TPRG1: variants seen among roughly 807,000 people sequenced by gnomAD.
The protein encoded by TPRG1 is tumor protein p63 regulated 1.
Under a neutral mutation model 29.3 loss-of-function variants are expected in TPRG1, and 29 were observed. The ratio of observed to expected loss-of-function variants is 0.99; its 90% CI spans 0.74 to 1.35. The LOEUF is 1.35. TPRG1 is among the 40% of genes most tolerant of loss of function. The pLI is 0.00. For missense variants in TPRG1, 327 were observed against 335.0 expected, an observed-to-expected ratio of 0.98 and a Z score of 0.19; for synonymous variants, 130 against 116.8, an observed-to-expected ratio of 1.11 and a Z score of -0.73.
chr3:189,043,270 A>T (rs755716084), intron 4 of TPRG1, among the ~76,000 whole-genome samples: 16 of 152,216 alleles, frequency 1.1e-4, no homozygotes, highest in Non-Finnish European at 1.8e-4. Flanking sequence ...GGGAAACAAC[A>T]TGATGGGGAT....
chr3:189,266,515 A>G (rs1714113540), intron 4 of TPRG1, among the ~76,000 whole-genome samples: 1 of 152,172 alleles, frequency 6.6e-6, no homozygotes, highest in African/African-American at 2.4e-5. Flanking sequence ...TAGGGACATG[A>G]TGAGTTGGTG....
chr3:189,265,303 C>T (rs1033549703), intron 4 of TPRG1, among the ~76,000 whole-genome samples: 1 of 152,194 alleles, frequency 6.6e-6, no homozygotes, highest in Non-Finnish European at 1.5e-5. Context: ...GGCCTGTCTT[C>T]TCCTTCCACT....
intron 4 of TPRG1, among the ~76,000 whole-genome samples, chr3:189,075,335 A>C (rs758852884): frequency 4.0e-5 from 6 of 151,188 alleles, no homozygotes; most frequent in Non-Finnish European, 7.4e-5. Flanking sequence ...GGGTTTCACC[A>C]TGTTGGCCAG....
chr3:189,271,719 T>C (rs898388095), intron 4 of TPRG1, among the ~76,000 whole-genome samples: 2 of 152,252 alleles, frequency 1.3e-5, no homozygotes, highest in African/African-American at 2.4e-5. Flanking sequence ...AAGTGACTTA[T>C]GTAAAGTTAA....
chr3:189,211,290 A>G (rs1410550548), intron 2 of TPRG1, among the ~76,000 whole-genome samples: 1 of 152,174 alleles, frequency 6.6e-6, no homozygotes, highest in African/African-American at 2.4e-5. Context: ...TTAAACTAGA[A>G]AAGAAAGTTA....
At chr3:189,145,683 TAAC>T (rs1056425132) in intron 3 of TPRG1, among the ~76,000 whole-genome samples, 11 of 152,182 alleles carry the variant, frequency 7.2e-5, no homozygotes, top group Non-Finnish European at 1.6e-4. Flanking sequence ...ACATTAATAA[TAAC>T]AGCAAATTAA....
At chr3:189,252,271 A>G (rs1190693083) in intron 4 of TPRG1, among the ~76,000 whole-genome samples, 1 of 152,156 alleles carries the variant, frequency 6.6e-6, no homozygotes, top group Non-Finnish European at 1.5e-5. Flanking sequence ...AGCAAAATGG[A>G]GTCTCCTATG....
intron 4 of TPRG1, among the ~76,000 whole-genome samples, chr3:189,261,485 C>T (rs1713036459): frequency 6.6e-6 from 1 of 151,866 alleles, no homozygotes; most frequent in Admixed American, 6.6e-5. Flanking sequence ...AAACAGAAGG[C>T]AGCTCTTTTA....
chr3:189,304,146 A>G (rs1326034483), intron 4 of TPRG1, among the ~76,000 whole-genome samples: 1 of 150,572 alleles, frequency 6.6e-6, no homozygotes, highest in East Asian at 1.9e-4. Context: ...AACCAGCATA[A>G]CACAAATTAT....
chr3:189,020,990 CTTCT>C (rs1713271051), intron 3 of TPRG1, among the ~76,000 whole-genome samples: 1 of 147,684 alleles, frequency 6.8e-6, no homozygotes, highest in African/African-American at 2.5e-5. Context: ...ATATAATGGC[CTTCT>C]TTGTCTCTTT....
chr3:189,270,455 C>T (rs951202003), intron 4 of TPRG1, among the ~76,000 whole-genome samples: 4 of 152,212 alleles, frequency 2.6e-5, no homozygotes, highest in Admixed American at 2.0e-4. Context: ...GACTGTGGAA[C>T]CTCAGAATGG....
chr3:189,015,227 G>A (rs1425102601), intron 3 of TPRG1, among the ~76,000 whole-genome samples: 2 of 152,142 alleles, frequency 1.3e-5, no homozygotes, highest in African/African-American at 4.8e-5. Flanking sequence ...GGGATCTGTG[G>A]AACTTTGAAC....
intron 4 of TPRG1, among the ~76,000 whole-genome samples, chr3:189,066,752 A>T (rs999394536): frequency 6.6e-6 from 1 of 152,110 alleles, no homozygotes; most frequent in African/African-American, 2.4e-5. Flanking sequence ...TTCATATTAG[A>T]TCTGGAACAA....
At chr3:189,133,471 G>A (rs539608416) in intron 3 of TPRG1, among the ~76,000 whole-genome samples, 1 of 152,278 alleles carries the variant, frequency 6.6e-6, no homozygotes, top group South Asian at 2.1e-4. Context: ...AGGGAGGGAA[G>A]TGACTGGATT....
chr3:189,064,806 C>G (rs1423116834), intron 4 of TPRG1, among the ~76,000 whole-genome samples: 2 of 152,120 alleles, frequency 1.3e-5, no homozygotes, highest in African/African-American at 4.8e-5. Flanking sequence ...AAATTAGACA[C>G]CACAAAAACT....
chr3:189,212,188 A>C (rs1735372875), intron 2 of TPRG1: 1 of 152,198 alleles, frequency 6.6e-6, no homozygotes, highest in South Asian at 2.1e-4. Context: ...TCGAGAATGT[A>C]AATTACATAC....
At chr3:189,166,893 C>T (rs1014952374) in intron 5 of TPRG1, among the ~76,000 whole-genome samples, 15 of 152,100 alleles carry the variant, frequency 9.9e-5, no homozygotes, top group Non-Finnish European at 2.1e-4. Flanking sequence ...CCGAGTCTGC[C>T]GGTGACTGAA....
intron 3 of TPRG1, among the ~76,000 whole-genome samples, chr3:189,016,826 C>T (rs1360741406): frequency 6.6e-6 from 1 of 152,102 alleles, no homozygotes; most frequent in Non-Finnish European, 1.5e-5. Context: ...TTTCCTGAGG[C>T]CCCCCAGTCA....
intron 4 of TPRG1, among the ~76,000 whole-genome samples, chr3:189,066,091 A>T (rs571468724): frequency 6.6e-6 from 1 of 152,158 alleles, no homozygotes; most frequent in African/African-American, 2.4e-5. Context: ...AAATTCTTAG[A>T]CACATACAGC....
Sources: gnomAD v4.1 joint callset for allele counts (sites outside exome capture counted in the v4.1 genomes callset) on GRCh38, gnomAD v4.1.1 for gene constraint, MANE v1.5 for transcripts, NCBI Gene and HGNC (gene_info 2026-07-23, HGNC 2026-07-21) for gene names.